The following ARHGEF4 variants were observed in gnomAD, a reference collection of about 807,000 sequenced individuals.
ARHGEF4 encodes APC-stimulated guanine nucleotide exchange factor 1.
Under a neutral mutation model 162.0 loss-of-function variants are expected in ARHGEF4, and 119 were observed. The ratio of observed to expected loss-of-function variants is 0.73; its 90% CI spans 0.63 to 0.86. The LOEUF is 0.86. ARHGEF4 is among the 40% of genes least tolerant of loss of function. The probability of loss-of-function intolerance (pLI) is 0.00; values close to 1 mark genes in which losing one functional copy is unlikely to be tolerated. For synonymous variants in ARHGEF4, 1,014 were observed against 979.9 expected (o/e 1.03, Z -0.65); for missense variants, 2,488 against 2,456.0 (o/e 1.01, Z -0.28).
chr2:130,847,517 C>T (rs1467413082), intron 1 of ARHGEF4, among the ~76,000 whole-genome samples: 1 of 152,202 alleles, frequency 6.6e-6, no homozygotes, highest in African/African-American at 2.4e-5. Flanking sequence ...TGGTTCCTCT[C>T]TGTAAGGTGG....
At chr2:130,949,978 AT>A (rs2105158723) in intron 4 of ARHGEF4, among the ~76,000 whole-genome samples, 1 of 152,210 alleles carries the variant, frequency 6.6e-6, no homozygotes, top group South Asian at 2.1e-4. Flanking sequence ...AATAGGTGAA[AT>A]TTCTTTATTT....
chr2:130,900,034 G>C (rs1680395115), intron 1 of ARHGEF4, among the ~76,000 whole-genome samples: 1 of 151,958 alleles, frequency 6.6e-6, no homozygotes, highest in Non-Finnish European at 1.5e-5. Flanking sequence ...GCATTTTCTT[G>C]TTGTTTTTCT....
intron 4 of ARHGEF4, among the ~76,000 whole-genome samples, chr2:131,019,761 A>G (rs982165160): frequency 5.3e-4 from 80 of 152,100 alleles, no homozygotes; most frequent in Non-Finnish European, 9.6e-4. Context: ...AGCCTCCTGA[A>G]TAGCTGGGAC....
chr2:130,894,168 T>C (rs1680021318), intron 1 of ARHGEF4, among the ~76,000 whole-genome samples: 1 of 152,190 alleles, frequency 6.6e-6, no homozygotes, highest in Non-Finnish European at 1.5e-5. Context: ...TTGCTTTCTG[T>C]AGAAGCTGTT....
chr2:130,989,612 A>G (rs765937409), intron 4 of ARHGEF4, among the ~76,000 whole-genome samples: 12 of 152,246 alleles, frequency 7.9e-5, no homozygotes, highest in Non-Finnish European at 1.8e-4. Context: ...AGTTAGATCA[A>G]TTTGTAACAT....
Position 130,931,142 on chromosome 2 carries a change from C to T in ARHGEF4, c.3743C>T (p.Ser1248Leu), listed in dbSNP as rs766190445. The T allele has an allele frequency of 1.4e-5, 23 of 1,614,194 alleles. 1 individual carries two copies. The South Asian group carries it at 1.6e-4, about 12-fold the overall frequency. ...CAGCCTAGGGGCATCCCTCACCGCT[C>T]GCCCGTCAGTGTGGATGACCTGTGG... ...PSQPRGIPHR[S>L]PVSVDDLWLE... is the part of the protein sequence containing the mutation. The change falls in exon 3 of 14, where the codon TCG (serine) becomes TTG (leucine). Residue 1248 changes from serine (S) to leucine (L), a missense_variant. Transcript: ENST00000409359.
chr2:130,881,676 A>T (rs962333318), intron 1 of ARHGEF4, among the ~76,000 whole-genome samples: 1 of 151,928 alleles, frequency 6.6e-6, no homozygotes, highest in African/African-American at 2.4e-5. Flanking sequence ...ATGCTTCGGG[A>T]GATGTAAGGA....
intron 1 of ARHGEF4, among the ~76,000 whole-genome samples, chr2:130,907,099 T>C (rs1366711053): frequency 6.6e-6 from 1 of 152,122 alleles, no homozygotes; most frequent in Admixed American, 6.5e-5. Flanking sequence ...TTTTCCAAAA[T>C]GCCGTATAAA....
At position 130,915,676 on chromosome 2, in the gene ARHGEF4, A is replaced by T. The variant is rs35337771; in HGVS notation, c.1730A>T (p.Asn577Ile). 54,988 of 1,550,444 alleles carry T rather than the reference A, an allele frequency of 0.035. 1,059 individuals carry two copies. The highest frequency in any genetic ancestry group is 0.058 in the Middle Eastern group (347 of 5,986). Residue 577 changes from asparagine to isoleucine, a missense_variant, in exon 2 of 14, where the codon AAC becomes ATC. Asn to Ile is a moderately radical substitution (Grantham distance 149). Coordinates refer to ENST00000409359, the MANE Select transcript of ARHGEF4 (RefSeq NM_001367493.1). ...AAEEAMVLDP[N>I]YREQALQGLS... is the part of the protein sequence containing the mutation. Reference sequence around the variant, plus strand: ...GAAGAAGCCATGGTTCTAGACCCCAACTACAGGGAACAGGCTTTGCAAGGT... The same window carrying T: ...GAAGAAGCCATGGTTCTAGACCCCATCTACAGGGAACAGGCTTTGCAAGGT...
At chr2:130,898,618 A>G (rs998225872) in intron 1 of ARHGEF4, among the ~76,000 whole-genome samples, 3 of 152,138 alleles carry the variant, frequency 2.0e-5, no homozygotes, top group Non-Finnish European at 4.4e-5. Flanking sequence ...CTGGGTTCCC[A>G]GGGGCCATGA....
intron 4 of ARHGEF4, among the ~76,000 whole-genome samples, chr2:130,958,509 G>A (rs988646857): frequency 9.9e-5 from 15 of 150,942 alleles, no homozygotes; most frequent in Non-Finnish European, 1.8e-4. Flanking sequence ...CCCCCGATCC[G>A]AGCGATTCTC....
chr2:130,871,596 T>C (rs978280593), intron 1 of ARHGEF4, among the ~76,000 whole-genome samples: 2 of 149,500 alleles, frequency 1.3e-5, no homozygotes, highest in East Asian at 3.9e-4. Flanking sequence ...TATATATGCA[T>C]ACACACACAC....
At chr2:131,015,080 A>C (rs1227509169) in intron 4 of ARHGEF4, among the ~76,000 whole-genome samples, 3 of 152,178 alleles carry the variant, frequency 2.0e-5, no homozygotes, top group Non-Finnish European at 4.4e-5. Flanking sequence ...AGTCACACAC[A>C]CAGCAGAAGG....
chr2:131,011,924 A>G (rs1411193630), intron 4 of ARHGEF4: 1 of 702,198 alleles, frequency 1.4e-6, no homozygotes, highest in East Asian at 2.7e-5. Flanking sequence ...TGGTGGACAG[A>G]TGAAAAATGG....
intron 1 of ARHGEF4, among the ~76,000 whole-genome samples, chr2:130,840,620 C>A (rs901594845): frequency 1.3e-5 from 2 of 152,228 alleles, no homozygotes; most frequent in African/African-American, 4.8e-5. Context: ...TGTTTGTCAC[C>A]TGAGCACTCA....
chr2:130,916,143 C>T lies in ARHGEF4; in HGVS notation c.2197C>T (p.Pro733Ser), dbSNP rs1264087857. ...SEETPSTEEP[P>S]GERLRGESRS... ...AGAGACGCCGAGCACAGAGGAGCCC[C>T]CGGGAGAGAGACTGCGTGGGGAGAG... Residue 733 changes from proline to serine, a missense_variant, in exon 2 of 14, where the codon CCG (proline) becomes TCG (serine). By Grantham distance (74) the Pro-to-Ser change is moderately conservative (BLOSUM62 -1). Transcript: ENST00000409359. The T allele has an allele frequency of 1.9e-6, 3 of 1,549,090 alleles. No homozygotes were observed. In the African/African-American group the frequency reaches 4.1e-5, roughly 21 times the overall value.
rs992008330 is a variant in ARHGEF4, at chr2:131,037,491, G to T, written c.4126-1362G>T. On this transcript the variant is annotated intron_variant, in intron 5 of 13. Coordinates refer to ENST00000409359, the MANE Select transcript of ARHGEF4 (RefSeq NM_001367493.1). ...TGAAAGGAGGGCTCCTGGGATGGGA[G>T]CTCAGAGGAGGGCCTGTTTGTGACA... Among the ~76,000 whole-genome samples the T allele has an allele frequency of 3.3e-5, 5 of 152,340 alleles. No individual in the cohort carries two copies. In the South Asian group the frequency reaches 1.0e-3, roughly 32 times the overall value.
At chr2:130,837,133 C>T (rs538813573) in intron 1 of ARHGEF4, 141 bp downstream of exon 1, 3 of 778,820 alleles carry the variant, frequency 3.9e-6, no homozygotes, top group East Asian at 3.5e-5. Flanking sequence ...GGCTCCCCGC[C>T]GCTCCCAACT....
At chr2:130,997,641 TA>T (rs1558828223) in intron 4 of ARHGEF4, among the ~76,000 whole-genome samples, 1 of 152,248 alleles carries the variant, frequency 6.6e-6, no homozygotes, top group Non-Finnish European at 1.5e-5. Context: ...TGAGCAGTTC[TA>T]ATCCTAATTC....
Sources: allele counts gnomAD v4.1 joint callset (sites outside exome capture counted in the v4.1 genomes callset), GRCh38; gene constraint gnomAD v4.1.1; transcripts MANE v1.5; gene names NCBI Gene and HGNC (gene_info 2026-07-23, HGNC 2026-07-21).